Variants in ARRB1 observed in about 807,000 individuals in gnomAD.
The protein encoded by ARRB1 is arrestin beta 1.
ARRB1 carries 21 observed loss-of-function variants against 56.8 expected under a neutral mutation model. The observed-to-expected ratio is 0.37, with a 90% CI of 0.26 to 0.53. The LOEUF (loss-of-function observed/expected upper bound fraction) is 0.53. Ranked by LOEUF, ARRB1 falls within the 20% of genes least tolerant of loss-of-function variation. The pLI is 0.88. For missense variants in ARRB1, 424 were observed against 553.7 expected (o/e 0.77, Z 2.35); for synonymous variants, 210 against 218.6 (o/e 0.96, Z 0.35).
At chr11:75,300,846 T>C (rs1946884350) in intron 1 of ARRB1, among the ~76,000 whole-genome samples, 1 of 150,544 alleles carries the variant, frequency 6.6e-6, no homozygotes, top group African/African-American at 2.5e-5. Context: ...CGGGCGCCTG[T>C]AGTCCCAGCT....
chr11:75,267,886 C>A (rs1314592874), intron 14 of ARRB1, among the ~76,000 whole-genome samples, 183 bp from the exon 15 acceptor site: 1 of 152,112 alleles, frequency 6.6e-6, no homozygotes, highest in Non-Finnish European at 1.5e-5. Context: ...ATCTGAAAGG[C>A]AGGGAGGATG....
chr11:75,329,999 T>C (rs1213086467), intron 1 of ARRB1, among the ~76,000 whole-genome samples: 1 of 150,904 alleles, frequency 6.6e-6, no homozygotes, highest in Non-Finnish European at 1.5e-5. Flanking sequence ...AGACCCTGTC[T>C]CTAAAAAAAA....
At position 75,283,337 on chromosome 11, in the gene ARRB1, C is replaced by T; in HGVS notation, c.304G>A (p.Glu102Lys). 6.2e-7 allele frequency: 1 copy of T among 1,613,898 alleles called. No homozygotes were observed. Among genetic ancestry groups the T allele is most frequent in the South Asian group, 1.1e-5 (1 of 91,044 alleles). The change falls in exon 5 of 16, where the codon GAA becomes AAA. Residue 102 changes from glutamate (E) to lysine (K), a missense_variant. Glu to Lys is a moderately conservative substitution (Grantham distance 56, BLOSUM62 1). Coordinates refer to ENST00000420843, the MANE Select transcript of ARRB1 (RefSeq NM_004041.5). The part of the protein sequence containing the change: ...EDKKPLTRLQ[E>K]RLIKKLGEHA... ...TCGCCCAGCTTCTTGATGAGGCGTT[C>T]CTGCAGCCGCGTCAGGGGCTTCTTG...
chr11:75,324,902 C>A (rs1947406203), intron 1 of ARRB1, among the ~76,000 whole-genome samples: 1 of 152,098 alleles, frequency 6.6e-6, no homozygotes, highest in African/African-American at 2.4e-5. Context: ...CTGGGAGAAA[C>A]CTCTGGGAGG....
chr11:75,272,785 G>A, intron 12 of ARRB1, 110 bp downstream of exon 12: 1 of 1,010,986 alleles, frequency 9.9e-7, no homozygotes, highest in Non-Finnish European at 1.5e-6. Flanking sequence ...CTCCTCCAAG[G>A]TGGATGCAGC....
chr11:75,317,686 G>C (rs1947285816), intron 1 of ARRB1, among the ~76,000 whole-genome samples: 1 of 152,176 alleles, frequency 6.6e-6, no homozygotes, highest in Non-Finnish European at 1.5e-5. Flanking sequence ...GCACCGCACT[G>C]GCACCCAGCC....
At chr11:75,349,942 C>T (rs1947821885) in intron 1 of ARRB1, among the ~76,000 whole-genome samples, 1 of 152,250 alleles carries the variant, frequency 6.6e-6, no homozygotes, top group African/African-American at 2.4e-5. Flanking sequence ...CAAGTGGACT[C>T]CAGCCTCCGC....
intron 6 of ARRB1, chr11:75,281,504 C>G: frequency 5.8e-6 from 2 of 342,020 alleles, no homozygotes; most frequent in Non-Finnish European, 1.1e-5. Flanking sequence ...GTGGCTTATC[C>G]GGTATTCCTC....
At position 75,281,136 on chromosome 11, in the gene ARRB1, C is replaced by T. The variant is rs766232708; in HGVS notation, c.421G>A (p.Gly141Ser). Reference sequence around the variant, plus strand: ...AAGGCTTTGACTTCATAGTCCACACCGCAAGCCTGTGGGGAAGGGGTCACT... The same window carrying T: ...AAGGCTTTGACTTCATAGTCCACACTGCAAGCCTGTGGGGAAGGGGTCACT... ...PGPEDTGKACGVDYEVKAFCA... is the reference protein window; with the variant it reads ...PGPEDTGKACSVDYEVKAFCA... The change falls in exon 7 of 16, where the codon GGT becomes AGT. Residue 141 changes from glycine to serine, a missense_variant. This residue lies in a region of ARRB1 where 301 missense variants were observed against 387.9 expected (regional missense o/e 0.78). Coordinates refer to ENST00000420843, the MANE Select transcript of ARRB1 (RefSeq NM_004041.5). The T allele has an allele frequency of 1.9e-6, 3 of 1,596,614 alleles. No homozygotes were observed. Among genetic ancestry groups the T allele is most frequent in the Non-Finnish European group, 2.6e-6 (3 of 1,171,032 alleles).
chr11:75,326,114 G>A (rs898777707), intron 1 of ARRB1, among the ~76,000 whole-genome samples: 5 of 152,192 alleles, frequency 3.3e-5, no homozygotes, highest in Non-Finnish European at 7.3e-5. Context: ...GGGTCCCAGG[G>A]GAGGTGGTGC....
At chr11:75,304,315 CTG>C (rs1306284589) in intron 1 of ARRB1, among the ~76,000 whole-genome samples, 6 of 145,942 alleles carry the variant, frequency 4.1e-5, no homozygotes, top group African/African-American at 8.4e-5. Flanking sequence ...ATCTCTGACT[CTG>C]TGTCCACTGC....
At chr11:75,329,939 G>A (rs1947493814) in intron 1 of ARRB1, among the ~76,000 whole-genome samples, 2 of 152,018 alleles carry the variant, frequency 1.3e-5, no homozygotes, top group Admixed American at 6.6e-5. Context: ...GTTCGAGGCT[G>A]CAGTGAGATG....
At chr11:75,284,492 T>C (rs998356773) in intron 3 of ARRB1, among the ~76,000 whole-genome samples, 14 of 152,202 alleles carry the variant, frequency 9.2e-5, no homozygotes, top group African/African-American at 2.9e-4. Flanking sequence ...ACCCAGCTGG[T>C]GACTTTAGGC....
chr11:75,275,469 A>G (rs902444187), intron 10 of ARRB1, among the ~76,000 whole-genome samples: 4 of 152,180 alleles, frequency 2.6e-5, no homozygotes, highest in African/African-American at 9.7e-5. Context: ...AAAAAGAAAA[A>G]ATTATAGCTA....
Position 75,278,690 on chromosome 11 carries a change from G to C in ARRB1, c.537C>G (p.Gly179=), listed in dbSNP as rs1946255354. The part of the protein sequence containing the change: ...RKVQYAPERP[G]PQPTAETTRQ... ...TGGTGGTCTCGGCTGTGGGCTGGGG[G>C]CCAGGCCTCTCTGGGGCATACTGAA... is the stretch of plus-strand genomic sequence containing the variant. Residue 179 remains glycine (G), a synonymous_variant, in exon 8 of 16, where the codon GGC becomes GGG. Transcript: ENST00000420843. 1 of 1,613,994 alleles carries C rather than the reference G, an allele frequency of 6.2e-7. No individual in the cohort carries two copies. Among genetic ancestry groups the C allele is most frequent in the African/African-American group, 1.3e-5 (1 of 74,922 alleles).
intron 1 of ARRB1, among the ~76,000 whole-genome samples, chr11:75,316,764 T>A (rs1050638787): frequency 2.0e-5 from 3 of 151,962 alleles, no homozygotes; most frequent in Admixed American, 1.3e-4. Context: ...AAAAAATTTT[T>A]TTTTAATTAA....
At chr11:75,314,126 G>A (rs549280416) in intron 1 of ARRB1, among the ~76,000 whole-genome samples, 122 of 152,232 alleles carry the variant, frequency 8.0e-4, no homozygotes, top group African/African-American at 2.7e-3. Flanking sequence ...TTCTCACTTC[G>A]GGGTCTCCCA....
intron 8 of ARRB1, among the ~76,000 whole-genome samples, 192 bp from the exon 9 acceptor site, chr11:75,277,640 C>T: frequency 6.6e-6 from 1 of 152,228 alleles, no homozygotes; most frequent in East Asian, 1.9e-4. Context: ...CTCCTTTAGG[C>T]CCAAGAGGCT....
Position 75,263,195 on chromosome 11 carries a change from C to T in ARRB1, c.*2968G>A, listed in dbSNP as rs1020625416. ...CACCCCTAGTTTCACTTCAAGGTAT[C>T]ACCTGGGCAGGCTGACTCCAGAAAG... On this transcript the variant is annotated 3_prime_UTR_variant, in exon 16 of 16. Transcript: ENST00000420843. 6.6e-6 allele frequency among the ~76,000 whole-genome samples: 1 copy of T among 152,216 alleles called. No individual in the cohort carries two copies. The highest frequency in any genetic ancestry group is 1.5e-5 in the Non-Finnish European group (1 of 68,040).
Sources: allele counts gnomAD v4.1 joint callset (sites outside exome capture counted in the v4.1 genomes callset), GRCh38; gene constraint gnomAD v4.1.1; regional missense constraint gnomAD v4.1.1; transcripts MANE v1.5; gene names NCBI Gene and HGNC (gene_info 2026-07-23, HGNC 2026-07-21).